The following POM121C variants were observed in gnomAD, a reference collection of about 807,000 sequenced individuals.
POM121C encodes POM121 transmembrane nucleoporin C, also known as nuclear envelope pore membrane protein POM 121C.
Under a neutral mutation model 66.4 loss-of-function variants are expected in POM121C, and 20 were observed. The observed-to-expected ratio is 0.30, with a 90% CI of 0.21 to 0.44. The LOEUF is 0.44. POM121C is among the 20% of genes least tolerant of loss of function. The pLI is 1.00. For synonymous variants in POM121C, 286 were observed against 528.0 expected (o/e 0.54, Z 6.28); for missense variants, 580 against 1,225.7 (o/e 0.47, Z 7.87).
At chr7:75,443,353 A>G (rs1584677939) in intron 3 of POM121C, among the ~76,000 whole-genome samples, 1 of 130,966 alleles carries the variant, frequency 7.6e-6, no homozygotes, top group African/African-American at 2.6e-5. Flanking sequence ...TCGTAGCAGC[A>G]TAAACATAGT....
intron 3 of POM121C, among the ~76,000 whole-genome samples, chr7:75,448,051 A>G (rs1289364137): frequency 6.6e-6 from 1 of 151,244 alleles, no homozygotes; most frequent in Admixed American, 6.6e-5. Flanking sequence ...CAACCAAACA[A>G]ACAAACAAAA....
At chr7:75,461,894 A>G (rs2116482459) in intron 3 of POM121C, among the ~76,000 whole-genome samples, 1 of 151,158 alleles carries the variant, frequency 6.6e-6, no homozygotes, top group Non-Finnish European at 1.5e-5. Context: ...TGGAAAACAT[A>G]TTGAATTATG....
At chr7:75,454,413 CA>C (rs1554476066) in intron 3 of POM121C, among the ~76,000 whole-genome samples, 1 of 152,082 alleles carries the variant, frequency 6.6e-6, no homozygotes, top group Non-Finnish European at 1.5e-5. Flanking sequence ...TGGTTTGCTT[CA>C]GTATGATGAC....
intron 7 of POM121C, among the ~76,000 whole-genome samples, chr7:75,434,669 G>A (rs1790338093): frequency 6.7e-6 from 1 of 149,782 alleles, no homozygotes; most frequent in Non-Finnish European, 1.5e-5. Context: ...TGCAGCCTGT[G>A]CCTCCTGGGT....
In POM121C at chr7:75,486,093, G is replaced by C; in HGVS notation, c.-687C>G. 2.7e-6 allele frequency: 1 copy of C among 369,564 alleles called. No homozygotes were observed. The highest frequency in any genetic ancestry group is 2.0e-5 in the South Asian group (1 of 50,944). The allele number at this position is 369,564 out of a possible 1,614,324, so 22.9% of individuals were successfully genotyped here. A position where few individuals can be genotyped will look rare whatever the true frequency, so the allele number is the denominator to read the frequency against. On this transcript the variant is annotated 5_prime_UTR_variant, in exon 1 of 15. Transcript: ENST00000615331. ...CGGCCCCTCTGGCCCCAGCGCCGCC[G>C]GCTCCGGGGTTCACGCTCGGGGGTC...
chr7:75,442,345 G>C, intron 3 of POM121C: 1 of 1,413,966 alleles, frequency 7.1e-7, no homozygotes, highest in Non-Finnish European at 9.1e-7. Context: ...CCAGGTAACT[G>C]CCCATGAGGA....
chr7:75,485,757 C>G (rs1792511208), intron 1 of POM121C, 107 bp downstream of exon 1: 1 of 404,308 alleles, frequency 2.5e-6, no homozygotes, highest in Non-Finnish European at 4.9e-6. Context: ...ACATGTCTCT[C>G]CGGCAAGCAA....
intron 3 of POM121C, among the ~76,000 whole-genome samples, chr7:75,449,870 C>T (rs1433967972): frequency 2.2e-4 from 34 of 152,070 alleles, no homozygotes; most frequent in African/African-American, 7.7e-4. Context: ...CAAAAATTAG[C>T]CAGGCGTGGT....
rs372532530 is a variant in POM121C at position 75,474,867 on chromosome 7, G to A, written c.-315C>T. The A allele has an allele frequency of 3.4e-5, 41 of 1,202,532 alleles. No homozygotes were observed. The highest frequency in any genetic ancestry group is 1.7e-4 in the Admixed American group (9 of 52,594). 74.5% of individuals were successfully genotyped at this position (1,202,532 alleles called of 1,614,324 possible). A position where few individuals can be genotyped will look rare whatever the true frequency, so the allele number is the denominator to read the frequency against. ...CTTCAGAATCTCCGAAGTACAAGAT[G>A]TTGCCACCTCATAAGCTGCATAACA... On this transcript the variant is annotated 5_prime_UTR_variant, in exon 3 of 15. Transcript: ENST00000615331.
intron 3 of POM121C, among the ~76,000 whole-genome samples, chr7:75,461,974 TC>T (rs1284927463): frequency 6.8e-6 from 1 of 147,796 alleles, no homozygotes; most frequent in African/African-American, 2.6e-5. Flanking sequence ...CAAGTCCCCA[TC>T]CCCCCACAGA....
Position 75,476,397 on chromosome 7 carries a change from C to A in POM121C, c.-457-1209G>T, listed in dbSNP as rs180789977. Among the ~76,000 whole-genome samples, 311 of 152,282 alleles carry A rather than the reference C, an allele frequency of 2.0e-3. 2 individuals are homozygous for A. Among genetic ancestry groups the A allele is most frequent in the Middle Eastern group, 6.8e-3 (2 of 294 alleles). On this transcript the variant is annotated intron_variant, in intron 1 of 14. Transcript: ENST00000615331. ...CAGGCTTGAGCCAGCATGCCCTGCCCAAACTTGCAGTTTAGAAAAAGGAAG... is the reference window on the plus strand; with the variant it reads ...CAGGCTTGAGCCAGCATGCCCTGCCAAAACTTGCAGTTTAGAAAAAGGAAG...
At chr7:75,475,342 C>T (rs1792036482) in intron 1 of POM121C, among the ~76,000 whole-genome samples, 154 bp from the exon 2 acceptor site, 1 of 152,110 alleles carries the variant, frequency 6.6e-6, no homozygotes, top group East Asian at 1.9e-4. Context: ...AACACATATC[C>T]TTTGGGGTCC....
In POM121C at chr7:75,423,938, C is replaced by T. The variant is rs374443170; in HGVS notation, c.1048+111G>A. 88 of 1,510,236 alleles carry T rather than the reference C, an allele frequency of 5.8e-5. No individual in the cohort carries two copies. The East Asian group carries it at 8.3e-4, about 14-fold the overall frequency. The allele number at this position is 1,510,236 out of a possible 1,614,324, so 93.6% of individuals were successfully genotyped here. On this transcript the variant is annotated intron_variant, in intron 12 of 14. Transcript: ENST00000615331. ...CGCTCCGGTGTGCTGAGCCAGGGTGCGTTCGGCCTGCAGAGCAATCTCCAG... is the reference window on the plus strand; with the variant it reads ...CGCTCCGGTGTGCTGAGCCAGGGTGTGTTCGGCCTGCAGAGCAATCTCCAG...
At chr7:75,462,180 T>C (rs1408711426) in intron 3 of POM121C, among the ~76,000 whole-genome samples, 1 of 148,982 alleles carries the variant, frequency 6.7e-6, no homozygotes, top group Non-Finnish European at 1.5e-5. Flanking sequence ...GTTTGCCCTA[T>C]GCTGTTCTCG....
rs1431203609 is a variant in POM121C at position 75,421,622 on chromosome 7, G to A, written c.2630C>T (p.Thr877Ile). 1.2e-5 allele frequency: 19 copies of A among 1,613,434 alleles called. No homozygotes were observed. Among genetic ancestry groups the A allele is most frequent in the Non-Finnish European group, 1.5e-5 (18 of 1,179,822 alleles). ...FGAGQSGSTATSTPFTGGLGQ... is the reference protein window; with the variant it reads ...FGAGQSGSTAISTPFTGGLGQ... ...TAAGCCCCCTGTGAAGGGGGTGGAGGTGGCTGTGCTCCCACTCTGTCCTGC... is the reference window on the plus strand; with the variant it reads ...TAAGCCCCCTGTGAAGGGGGTGGAGATGGCTGTGCTCCCACTCTGTCCTGC... The change falls in exon 13 of 15, where the codon ACC (threonine) becomes ATC (isoleucine). Residue 877 changes from threonine to isoleucine, a missense_variant. By Grantham distance (89) the Thr-to-Ile change is moderately conservative. Coordinates refer to ENST00000615331, the MANE Select transcript of POM121C (RefSeq NM_001099415.3).
At chr7:75,462,814 T>C (rs1791489848) in intron 3 of POM121C, among the ~76,000 whole-genome samples, 1 of 151,940 alleles carries the variant, frequency 6.6e-6, no homozygotes, top group Non-Finnish European at 1.5e-5. Context: ...ATAGGTGTGC[T>C]GACAGCATGG....
At chr7:75,480,578 G>A (rs1380847226) in intron 1 of POM121C, among the ~76,000 whole-genome samples, 1 of 152,054 alleles carries the variant, frequency 6.6e-6, no homozygotes, top group Non-Finnish European at 1.5e-5. Context: ...GACAGATCCT[G>A]TTCTGAGCCA....
chr7:75,456,854 A>G (rs1412849696), intron 3 of POM121C, among the ~76,000 whole-genome samples: 1 of 152,020 alleles, frequency 6.6e-6, no homozygotes, highest in African/African-American at 2.4e-5. Flanking sequence ...CCTGTTCAAA[A>G]TACATGAAGC....
chr7:75,424,649 A>T (rs782733675), intron 10 of POM121C, 21 bp from the exon 11 acceptor site: 17 of 1,599,806 alleles, frequency 1.1e-5, no homozygotes, highest in South Asian at 9.9e-5. Flanking sequence ...GAAAAAGAAG[A>T]AGTCAGGCCA....
Sources: allele counts gnomAD v4.1 joint callset (sites outside exome capture counted in the v4.1 genomes callset), GRCh38; gene constraint gnomAD v4.1.1; transcripts MANE v1.5; gene names NCBI Gene and HGNC (gene_info 2026-07-23, HGNC 2026-07-21).